CSTPP1: variants seen among roughly 807,000 people sequenced by gnomAD.
The protein encoded by CSTPP1 is centriolar satellite-associated tubulin polyglutamylase complex regulator 1.
At chr11:47,115,370 T>C in the CSTPP1 span, among the ~76,000 whole-genome samples, 1 of 152,218 alleles carries the variant, frequency 6.6e-6, no homozygotes, top group Admixed American at 6.5e-5. Flanking sequence ...GGATTCCCTC[T>C]TTTTCTATTG....
chr11:46,992,294 T>C, the CSTPP1 span, among the ~76,000 whole-genome samples: 12 of 152,072 alleles, frequency 7.9e-5, no homozygotes, highest in East Asian at 2.3e-3. Flanking sequence ...AACATGGAGG[T>C]TTGTTACATA....
At chr11:46,992,466 C>T in the CSTPP1 span, among the ~76,000 whole-genome samples, 4 of 147,912 alleles carry the variant, frequency 2.7e-5, no homozygotes, top group African/African-American at 1.0e-4. Flanking sequence ...TCAATGCCCA[C>T]CTATGAGTGA....
the CSTPP1 span, among the ~76,000 whole-genome samples, chr11:46,937,835 C>T: frequency 6.6e-6 from 1 of 152,070 alleles, no homozygotes; most frequent in Non-Finnish European, 1.5e-5. Flanking sequence ...CCGCGCCCGG[C>T]CACAATACAC....
the CSTPP1 span, among the ~76,000 whole-genome samples, chr11:47,095,621 A>G: frequency 1.3e-5 from 2 of 152,178 alleles, no homozygotes; most frequent in African/African-American, 4.8e-5. Flanking sequence ...TGGGTGTTCC[A>G]GCACTTTTTC....
chr11:47,159,485 G>C, the CSTPP1 span: 1 of 380,988 alleles, frequency 2.6e-6, no homozygotes, highest in Non-Finnish European at 5.2e-6. Context: ...ACGCCAGCCT[G>C]TGCGACAGAG....
the CSTPP1 span, among the ~76,000 whole-genome samples, chr11:47,001,282 G>A: frequency 1.3e-5 from 2 of 152,100 alleles, no homozygotes; most frequent in Non-Finnish European, 2.9e-5. Flanking sequence ...TATTTAACCA[G>A]TGAAAGTAAA....
At chr11:46,944,317 C>T in the CSTPP1 span, among the ~76,000 whole-genome samples, 1 of 77,470 alleles carries the variant, frequency 1.3e-5, no homozygotes, top group South Asian at 4.7e-4. Flanking sequence ...GACTGCTTCT[C>T]AAAAAAAAAA....
the CSTPP1 span, among the ~76,000 whole-genome samples, chr11:47,118,199 T>C: frequency 2.0e-5 from 3 of 152,270 alleles, no homozygotes; most frequent in Middle Eastern, 6.8e-3. Context: ...TTCATTAATT[T>C]GATCTTCAAT....
chr11:47,001,276 T>A, the CSTPP1 span, among the ~76,000 whole-genome samples: 1 of 152,222 alleles, frequency 6.6e-6, no homozygotes, highest in African/African-American at 2.4e-5. Context: ...TGCTCCTATT[T>A]AACCAGTGAA....
chr11:47,147,209 CTG>C, the CSTPP1 span, among the ~76,000 whole-genome samples: 1 of 152,192 alleles, frequency 6.6e-6, no homozygotes, highest in South Asian at 2.1e-4. Context: ...ATGTTATTCT[CTG>C]TAGTTTTCTG....
the CSTPP1 span, chr11:47,161,010 G>T: frequency 7.5e-7 from 1 of 1,339,490 alleles, no homozygotes; most frequent in African/African-American, 1.4e-5. Context: ...CAGATCTTTA[G>T]ATCGGCCCTC....
the CSTPP1 span, among the ~76,000 whole-genome samples, chr11:47,060,784 C>G: frequency 6.6e-6 from 1 of 152,172 alleles, no homozygotes; most frequent in Non-Finnish European, 1.5e-5. Flanking sequence ...ACTGGTTCCC[C>G]CAAAACCCTA....
the CSTPP1 span, among the ~76,000 whole-genome samples, chr11:47,153,720 TTA>T: frequency 6.6e-6 from 1 of 152,190 alleles, no homozygotes; most frequent in Non-Finnish European, 1.5e-5. Context: ...GCTTCTATTG[TTA>T]TCTGTATTAC....
the CSTPP1 span, among the ~76,000 whole-genome samples, chr11:46,959,202 G>GT: frequency 0.034 from 4,788 of 142,272 alleles, 94 homozygotes; most frequent in Middle Eastern, 0.06. Context: ...TGTTTTATTG[G>GT]TTTTTTTTTT....
chr11:47,050,349 G>A, the CSTPP1 span, among the ~76,000 whole-genome samples: 11,923 of 152,190 alleles, frequency 0.078, 486 homozygotes, highest in Non-Finnish European at 0.089. Flanking sequence ...AATGAGTCAG[G>A]TAATATAGTA....
At chr11:47,037,986 C>A in the CSTPP1 span, among the ~76,000 whole-genome samples, 48,297 of 106,514 alleles carry the variant, frequency 0.45, 16,229 homozygotes, top group African/African-American at 0.66. Flanking sequence ...TGACCCCCCC[C>A]ACCTCCCTCC....
the CSTPP1 span, among the ~76,000 whole-genome samples, chr11:46,968,699 G>A: frequency 1.3e-5 from 2 of 151,976 alleles, no homozygotes; most frequent in South Asian, 4.2e-4. Context: ...AGGAGTTCGA[G>A]ACCAGCCTGA....
the CSTPP1 span, among the ~76,000 whole-genome samples, chr11:46,986,201 C>T: frequency 1.3e-5 from 2 of 152,152 alleles, no homozygotes; most frequent in Admixed American, 1.3e-4. Flanking sequence ...GCTACCAAGA[C>T]AGAGCCATGA....
At chr11:47,130,074 T>C in the CSTPP1 span, among the ~76,000 whole-genome samples, 1 of 152,022 alleles carries the variant, frequency 6.6e-6, no homozygotes, top group Non-Finnish European at 1.5e-5. Flanking sequence ...CTGGCCAACA[T>C]GGTGAAACCC....
Sources: allele counts gnomAD v4.1 joint callset (sites outside exome capture counted in the v4.1 genomes callset), GRCh38; gene constraint gnomAD v4.1.1; transcripts MANE v1.5; gene names NCBI Gene and HGNC (gene_info 2026-07-23, HGNC 2026-07-21).